SLC39A12: variants seen among roughly 807,000 people sequenced by gnomAD.
The protein encoded by SLC39A12 is solute carrier family 39 member 12.
SLC39A12 carries 63 observed loss-of-function variants against 71.1 expected under a neutral mutation model. That is an observed-to-expected ratio of 0.89 (90% CI 0.72 to 1.09). The LOEUF is 1.09. SLC39A12 is among the 50% of genes least tolerant of loss of function. The probability of loss-of-function intolerance (pLI) is 0.00; values close to 1 mark genes in which losing one functional copy is unlikely to be tolerated. For synonymous variants in SLC39A12, 351 were observed against 301.3 expected, an observed-to-expected ratio of 1.16 and a Z score of -1.71; for missense variants, 892 against 812.6, an observed-to-expected ratio of 1.10 and a Z score of -1.19.
At chr10:17,978,893 G>A (rs962199832) in intron 5 of SLC39A12, among the ~76,000 whole-genome samples, 1 of 152,134 alleles carries the variant, frequency 6.6e-6, no homozygotes, top group African/African-American at 2.4e-5. Context: ...AGGGCTGTGG[G>A]CAGCAGCAGT....
chr10:18,036,796 T>TATATA (rs1837060394), intron 12 of SLC39A12, among the ~76,000 whole-genome samples: 2 of 63,300 alleles, frequency 3.2e-5, no homozygotes, highest in Admixed American at 2.0e-4. Flanking sequence ...ATATATATAT[T>TATATA]TTTTTTTTTA....
intron 10 of SLC39A12, among the ~76,000 whole-genome samples, chr10:17,998,817 A>T (rs1012747023): frequency 1.3e-5 from 2 of 152,354 alleles, no homozygotes; most frequent in African/African-American, 4.8e-5. Flanking sequence ...ATATGAATCA[A>T]ATCATATTCC....
intron 12 of SLC39A12, among the ~76,000 whole-genome samples, chr10:18,017,024 G>T (rs1212225808): frequency 6.6e-6 from 1 of 152,064 alleles, no homozygotes; most frequent in Non-Finnish European, 1.5e-5. Flanking sequence ...CTGAACTGAG[G>T]TTTTAATTTT....
At chr10:17,994,347 A>G (rs1835631721) in intron 9 of SLC39A12, among the ~76,000 whole-genome samples, 1 of 152,208 alleles carries the variant, frequency 6.6e-6, no homozygotes, top group Non-Finnish European at 1.5e-5. Context: ...CTAAAGCATA[A>G]TAGAAATTGT....
At chr10:17,991,398 C>G in intron 8 of SLC39A12, 95 bp downstream of exon 8, 4 of 1,031,120 alleles carry the variant, frequency 3.9e-6, no homozygotes, top group Non-Finnish European at 5.4e-6. Context: ...AATGAAGTTG[C>G]CTGTGTAAGG....
chr10:17,972,901 A>G (rs1424291139), intron 4 of SLC39A12, among the ~76,000 whole-genome samples: 1 of 151,344 alleles, frequency 6.6e-6, no homozygotes, highest in African/African-American at 2.4e-5. Context: ...TGGTTGTTTT[A>G]TGGTCATTTT....
At chr10:18,012,611 G>T (rs1315994983) in intron 12 of SLC39A12, among the ~76,000 whole-genome samples, 4 of 152,146 alleles carry the variant, frequency 2.6e-5, no homozygotes, top group Non-Finnish European at 5.9e-5. Flanking sequence ...GCTCGCGCCT[G>T]TAATCCCAGC....
chr10:18,026,448 AT>A (rs1217886601), intron 12 of SLC39A12, among the ~76,000 whole-genome samples: 3 of 148,988 alleles, frequency 2.0e-5, no homozygotes, highest in East Asian at 1.9e-4. Flanking sequence ...AAGGTGAGAT[AT>A]TTTTTTCATC....
chr10:18,040,415 C>T (rs1024340751), intron 12 of SLC39A12, among the ~76,000 whole-genome samples: 1 of 152,052 alleles, frequency 6.6e-6, no homozygotes, highest in African/African-American at 2.4e-5. Context: ...GAAATAACTA[C>T]CTAAGATGAA....
intron 12 of SLC39A12, among the ~76,000 whole-genome samples, chr10:18,038,714 C>G (rs377512080): frequency 2.1e-4 from 32 of 152,126 alleles, no homozygotes; most frequent in African/African-American, 7.0e-4. Context: ...TGGATTTAGT[C>G]AAAACAGAAA....
chr10:17,953,096 T>C (rs1467263432), intron 1 of SLC39A12, 95 bp from the exon 2 acceptor site: 1 of 736,010 alleles, frequency 1.4e-6, no homozygotes, highest in Non-Finnish European at 2.2e-6. Context: ...AAACAGCTTG[T>C]CATTGCAAAT....
chr10:18,009,394 C>A (rs1470483067), intron 12 of SLC39A12, among the ~76,000 whole-genome samples: 1 of 152,096 alleles, frequency 6.6e-6, no homozygotes, highest in African/African-American at 2.4e-5. Context: ...AGCCCAGGTG[C>A]CCCCTCCAGG....
chr10:17,987,347 A>G, intron 6 of SLC39A12, 132 bp from the exon 7 acceptor site: 1 of 763,324 alleles, frequency 1.3e-6, no homozygotes, highest in Non-Finnish European at 2.1e-6. Flanking sequence ...AATAAAAACA[A>G]AACACTTATT....
intron 2 of SLC39A12, among the ~76,000 whole-genome samples, chr10:17,957,330 C>T (rs556238938): frequency 2.6e-5 from 4 of 152,082 alleles, no homozygotes; most frequent in Non-Finnish European, 4.4e-5. Context: ...ACCAAGTGTC[C>T]GAGTAGCCTG....
At chr10:17,975,101 A>G (rs1028527937) in intron 4 of SLC39A12, among the ~76,000 whole-genome samples, 4 of 152,150 alleles carry the variant, frequency 2.6e-5, no homozygotes, top group Admixed American at 2.6e-4. Context: ...TTAAGGCCCA[A>G]GGGCTCTTGA....
At chr10:18,017,331 C>T (rs1326807982) in intron 12 of SLC39A12, among the ~76,000 whole-genome samples, 1 of 152,078 alleles carries the variant, frequency 6.6e-6, no homozygotes, top group Non-Finnish European at 1.5e-5. Context: ...CTTTTTGAGA[C>T]AGAGTCTCAC....
intron 2 of SLC39A12, among the ~76,000 whole-genome samples, chr10:17,955,186 T>C (rs1554847637): frequency 2.0e-5 from 3 of 152,140 alleles, no homozygotes; most frequent in African/African-American, 7.2e-5. Flanking sequence ...AAAATTGTTC[T>C]CCATTTTCAG....
At chr10:17,963,106 A>G (rs1834733224) in intron 3 of SLC39A12, among the ~76,000 whole-genome samples, 1 of 152,130 alleles carries the variant, frequency 6.6e-6, no homozygotes, top group Admixed American at 6.5e-5. Context: ...GGTTACAGTG[A>G]ACTATGACTG....
At chr10:17,960,329 T>C (rs1554848224) in intron 2 of SLC39A12, among the ~76,000 whole-genome samples, 1 of 152,194 alleles carries the variant, frequency 6.6e-6, no homozygotes, top group Non-Finnish European at 1.5e-5. Context: ...TGCTTTTAGA[T>C]AGTAAGGCGA....
Sources: gnomAD v4.1 joint callset for allele counts (sites outside exome capture counted in the v4.1 genomes callset) on GRCh38, gnomAD v4.1.1 for gene constraint, MANE v1.5 for transcripts, NCBI Gene and HGNC (gene_info 2026-07-23, HGNC 2026-07-21) for gene names.